SLC9A2: variants seen among roughly 807,000 people sequenced by gnomAD.
The protein encoded by SLC9A2 is solute carrier family 9 member A2, also known as sodium/hydrogen exchanger 2.
Under a neutral mutation model 71.7 loss-of-function variants are expected in SLC9A2, and 42 were observed. The observed-to-expected ratio is 0.59, with a 90% CI of 0.46 to 0.76. The LOEUF (loss-of-function observed/expected upper bound fraction) is 0.76. Among genes scored for constraint, SLC9A2 ranks in the 30% least tolerant of loss-of-function variants. The probability of loss-of-function intolerance (pLI) is 0.00; values close to 1 mark genes in which losing one functional copy is unlikely to be tolerated. For synonymous variants in SLC9A2, 396 were observed against 392.5 expected, an observed-to-expected ratio of 1.01 and a Z score of -0.10; for missense variants, 829 against 1,017.4, an observed-to-expected ratio of 0.81 and a Z score of 2.52.
chr2:102,656,627 G>A (rs906735451), intron 1 of SLC9A2, among the ~76,000 whole-genome samples: 3 of 152,298 alleles, frequency 2.0e-5, no homozygotes, highest in Non-Finnish European at 2.9e-5. Flanking sequence ...AGGAGCAAAC[G>A]TCTCAAATAT....
In SLC9A2 at chr2:102,695,121, G is replaced by C; in HGVS notation, c.1586+8G>C. The C allele has an allele frequency of 6.2e-7, 1 of 1,607,714 alleles. No individual in the cohort carries two copies. The highest frequency in any genetic ancestry group is 8.5e-7 in the Non-Finnish European group (1 of 1,174,342). ...CAACTTTTGGAGAGACAAGTAAGAA[G>C]GTCTTATGCCATTGGGTTATGAAGT... On this transcript the variant is annotated splice_region_variant and intron_variant, in intron 7 of 11. Coordinates refer to ENST00000233969, the MANE Select transcript of SLC9A2 (RefSeq NM_003048.6).
intron 11 of SLC9A2, among the ~76,000 whole-genome samples, chr2:102,706,583 A>T (rs75892856): frequency 0.082 from 12,475 of 152,166 alleles, 611 homozygotes; most frequent in South Asian, 0.17. Context: ...ATAATAATTT[A>T]AAAAAAAGAA....
chr2:102,671,569 A>G (rs1677252511), intron 3 of SLC9A2, among the ~76,000 whole-genome samples: 1 of 152,268 alleles, frequency 6.6e-6, no homozygotes, highest in Non-Finnish European at 1.5e-5. Context: ...ATTGGAAATT[A>G]TAAACCTTAA....
chr2:102,644,130 C>T lies in SLC9A2; in HGVS notation c.290-13434C>T, dbSNP rs185154607. On this transcript the variant is annotated intron_variant, in intron 1 of 11. Coordinates refer to ENST00000233969, the MANE Select transcript of SLC9A2 (RefSeq NM_003048.6). ...ATATCTGCATTTCCAACTGAGGTAC[C>T]CGGGTCATCTCATTGGGACTGGTTA... Among the ~76,000 whole-genome samples the T allele has an allele frequency of 9.6e-4, 146 of 151,928 alleles. 1 individual carries two copies. The highest frequency in any genetic ancestry group is 3.4e-3 in the African/African-American group (140 of 41,400).
chr2:102,635,182 C>A (rs139845936), intron 1 of SLC9A2, among the ~76,000 whole-genome samples: 1 of 152,200 alleles, frequency 6.6e-6, no homozygotes, highest in African/African-American at 2.4e-5. Flanking sequence ...AAGCGTGCAT[C>A]GGCTGACTGT....
At chr2:102,658,277 G>GC (rs1676984956) in intron 2 of SLC9A2, among the ~76,000 whole-genome samples, 1 of 151,818 alleles carries the variant, frequency 6.6e-6, no homozygotes, top group South Asian at 2.1e-4. Flanking sequence ...TTTGCACGGG[G>GC]CCCCACAAAA....
At chr2:102,641,909 G>C (rs1432508993) in intron 1 of SLC9A2, among the ~76,000 whole-genome samples, 1 of 137,630 alleles carries the variant, frequency 7.3e-6, no homozygotes, top group Non-Finnish European at 1.6e-5. Context: ...GGGGTGGGGG[G>C]CTGGGGGAGG....
intron 5 of SLC9A2, among the ~76,000 whole-genome samples, chr2:102,687,564 T>A (rs929836834): frequency 3.3e-5 from 5 of 152,210 alleles, no homozygotes; most frequent in Admixed American, 2.6e-4. Flanking sequence ...TTTCTCCCCT[T>A]ATTTCAATAT....
At chr2:102,679,547 A>T (rs1003947404) in intron 3 of SLC9A2, among the ~76,000 whole-genome samples, 12 of 151,972 alleles carry the variant, frequency 7.9e-5, no homozygotes, top group African/African-American at 2.9e-4. Flanking sequence ...ACACCCAGCT[A>T]ATTTTTTTAT....
chr2:102,665,698 C>T (rs1341212752), intron 3 of SLC9A2, among the ~76,000 whole-genome samples: 5 of 126,384 alleles, frequency 4.0e-5, no homozygotes, highest in African/African-American at 1.2e-4. Flanking sequence ...GGCATGAACC[C>T]GGGAGGCGGA....
intron 11 of SLC9A2, among the ~76,000 whole-genome samples, chr2:102,707,788 A>G (rs1678009892): frequency 6.6e-6 from 1 of 152,162 alleles, no homozygotes; most frequent in Non-Finnish European, 1.5e-5. Context: ...TCCACCATCT[A>G]CAAATACCTC....
chr2:102,709,763 G>C lies in SLC9A2; in HGVS notation c.*1274G>C, dbSNP rs969654677. The C allele has an allele frequency of 6.6e-6, 1 of 152,312 alleles. No homozygotes were observed. Among genetic ancestry groups the C allele is most frequent in the South Asian group, 2.1e-4 (1 of 4,812 alleles). The allele number at this position is 152,312 out of a possible 1,614,324, so 9.4% of individuals were successfully genotyped here. A position where few individuals can be genotyped will look rare whatever the true frequency, so the allele number is the denominator to read the frequency against. The stretch of plus-strand genomic sequence containing the variant: ...ACATAAGCATTCAAGATTAATATTT[G>C]ATTCTCTATCTCTTAACTGTAGATT... On this transcript the variant is annotated 3_prime_UTR_variant, in exon 12 of 12. Coordinates refer to ENST00000233969, the MANE Select transcript of SLC9A2 (RefSeq NM_003048.6).
intron 7 of SLC9A2, 104 bp downstream of exon 7, chr2:102,695,217 T>C: frequency 1.3e-6 from 1 of 794,040 alleles, no homozygotes; most frequent in Non-Finnish European, 2.1e-6. Context: ...TTTCCTGTGT[T>C]GTACCATAGT....
intron 1 of SLC9A2, among the ~76,000 whole-genome samples, chr2:102,650,941 G>C (rs1167298516): frequency 6.6e-6 from 1 of 152,068 alleles, no homozygotes; most frequent in Non-Finnish European, 1.5e-5. Flanking sequence ...TTTCTGATTG[G>C]CGTTTACCAT....
At chr2:102,671,740 A>G (rs1164192288) in intron 3 of SLC9A2, among the ~76,000 whole-genome samples, 1 of 152,202 alleles carries the variant, frequency 6.6e-6, no homozygotes, top group Non-Finnish European at 1.5e-5. Context: ...GTCCTGTCCA[A>G]TAGGGTGACC....
chr2:102,631,280 T>G (rs981557550), intron 1 of SLC9A2, among the ~76,000 whole-genome samples: 1 of 151,862 alleles, frequency 6.6e-6, no homozygotes, highest in African/African-American at 2.4e-5. Context: ...TTTTCTTGGC[T>G]AAAAGCATCT....
chr2:102,708,901 AG>A lies in SLC9A2; in HGVS notation c.*413del, dbSNP rs1171467387. ...CAGTTGTTAAGTGAATGGCACTAAAAGTATCGAGAACAGCTTTCTTTCCCAG... is the reference window on the plus strand; with the variant it reads ...CAGTTGTTAAGTGAATGGCACTAAAATATCGAGAACAGCTTTCTTTCCCAG... On this transcript the variant is annotated 3_prime_UTR_variant, in exon 12 of 12. Coordinates refer to ENST00000233969, the MANE Select transcript of SLC9A2 (RefSeq NM_003048.6). 5.8e-6 allele frequency: 1 copy of A among 173,222 alleles called. No homozygotes were observed. Among genetic ancestry groups the A allele is most frequent in the East Asian group, 1.7e-4 (1 of 5,990 alleles). 10.7% of individuals were successfully genotyped at this position (173,222 alleles called of 1,614,324 possible).
At chr2:102,705,168 T>G (rs960796021) in intron 10 of SLC9A2, among the ~76,000 whole-genome samples, 1 of 152,130 alleles carries the variant, frequency 6.6e-6, no homozygotes, top group Admixed American at 6.5e-5. Context: ...ATTGGGCCAC[T>G]GCACTCCAGC....
intron 1 of SLC9A2, among the ~76,000 whole-genome samples, chr2:102,649,655 G>A (rs1676794225): frequency 6.6e-6 from 1 of 151,924 alleles, no homozygotes; most frequent in Non-Finnish European, 1.5e-5. Context: ...TCAAAAAGTG[G>A]GCAAAGGATA....
Sources: allele counts gnomAD v4.1 joint callset (sites outside exome capture counted in the v4.1 genomes callset), GRCh38; gene constraint gnomAD v4.1.1; transcripts MANE v1.5; gene names NCBI Gene and HGNC (gene_info 2026-07-23, HGNC 2026-07-21).